ACSM3: variants seen among roughly 807,000 people sequenced by gnomAD.
The protein encoded by ACSM3 is acyl-CoA synthetase medium chain family member 3.
A neutral mutation model predicts 74.1 loss-of-function variants in ACSM3; 61 were observed. The observed-to-expected ratio is 0.82, with a 90% CI of 0.67 to 1.02. ACSM3 has a LOEUF of 1.02. Ranked by LOEUF, ACSM3 falls within the 50% of genes least tolerant of loss-of-function variation. The pLI is 0.00. For synonymous variants in ACSM3, 213 were observed against 241.5 expected, an observed-to-expected ratio of 0.88 and a Z score of 1.09; for missense variants, 660 against 697.0, an observed-to-expected ratio of 0.95 and a Z score of 0.60.
chr16:20,757,583 AG>A (rs1163566557), intron 3 of ACSM3, among the ~76,000 whole-genome samples: 1 of 149,720 alleles, frequency 6.7e-6, no homozygotes, highest in East Asian at 2.0e-4. Flanking sequence ...GTCTGCAAAC[AG>A]GGACAATTTG....
intron 7 of ACSM3, chr16:20,784,457 A>C (rs1215742154): frequency 6.6e-6 from 1 of 152,646 alleles, no homozygotes; most frequent in Non-Finnish European, 1.5e-5. Context: ...TCCCACCATC[A>C]GTTTTACCAA....
intron 1 of ACSM3, among the ~76,000 whole-genome samples, chr16:20,684,360 A>ATTGTGCCT (rs2079508758): frequency 6.6e-6 from 1 of 152,200 alleles, no homozygotes; most frequent in Admixed American, 6.5e-5. Flanking sequence ...ACAAGGAAAA[A>ATTGTGCCT]TTGTGCCTTT....
chr16:20,796,768 C>T (rs1280991771), intron 13 of ACSM3, 118 bp from the exon 14 acceptor site: 2 of 1,530,964 alleles, frequency 1.3e-6, no homozygotes, highest in African/African-American at 1.4e-5. Context: ...TACCCAAAAC[C>T]CATTCCAAAG....
At chr16:20,782,429 T>C (rs1321902316) in intron 7 of ACSM3, among the ~76,000 whole-genome samples, 1 of 152,116 alleles carries the variant, frequency 6.6e-6, no homozygotes, top group Non-Finnish European at 1.5e-5. Flanking sequence ...CAAAGTCCAT[T>C]ATATCATTCT....
At chr16:20,687,497 T>C (rs1348563595) in intron 1 of ACSM3, among the ~76,000 whole-genome samples, 2 of 152,102 alleles carry the variant, frequency 1.3e-5, no homozygotes, top group Non-Finnish European at 2.9e-5. Context: ...ATGCAGCTGC[T>C]CTTCAAGACT....
At chr16:20,747,124 C>T (rs183761238) in intron 1 of ACSM3, among the ~76,000 whole-genome samples, 56 of 152,050 alleles carry the variant, frequency 3.7e-4, no homozygotes, top group South Asian at 2.5e-3. Context: ...CAAGGCCCAG[C>T]GATAGACAGG....
At chr16:20,714,088 A>G (rs1433243933) in intron 1 of ACSM3, among the ~76,000 whole-genome samples, 2 of 152,182 alleles carry the variant, frequency 1.3e-5, no homozygotes, top group Non-Finnish European at 2.9e-5. Context: ...ATAAGCCAGA[A>G]TTATATTTCT....
At chr16:20,753,007 T>C (rs2080000086) in intron 2 of ACSM3, among the ~76,000 whole-genome samples, 1 of 152,150 alleles carries the variant, frequency 6.6e-6, no homozygotes, top group Non-Finnish European at 1.5e-5. Flanking sequence ...TGGGAAACTT[T>C]AGAGGACAAT....
At chr16:20,745,164 A>G (rs958060026) in intron 1 of ACSM3, among the ~76,000 whole-genome samples, 2 of 152,060 alleles carry the variant, frequency 1.3e-5, no homozygotes, top group African/African-American at 4.8e-5. Context: ...CTTATTCTTT[A>G]GACTACATCT....
At chr16:20,758,509 T>A (rs1253600848) in intron 3 of ACSM3, among the ~76,000 whole-genome samples, 1 of 152,104 alleles carries the variant, frequency 6.6e-6, no homozygotes, top group Non-Finnish European at 1.5e-5. Flanking sequence ...ATTGTGTCTA[T>A]TTGATTCTTC....
chr16:20,786,061 T>C lies in ACSM3; in HGVS notation c.1144-17T>C, dbSNP rs1262220532. On this transcript the variant is annotated splice_polypyrimidine_tract_variant and intron_variant, in intron 8 of 13. Transcript: ENST00000289416. ...GTGACTTGTAATGTTATCTTACTTT[T>C]TCTTCTTCTTAACTAGGTGCTAATC... 1 of 1,486,802 alleles carries C rather than the reference T, an allele frequency of 6.7e-7. No individual in the cohort carries two copies. The highest frequency in any genetic ancestry group is 9.1e-7 in the Non-Finnish European group (1 of 1,096,940). 92.1% of individuals were successfully genotyped at this position (1,486,802 alleles called of 1,614,324 possible).
At chr16:20,678,240 C>T (rs903478342) in intron 1 of ACSM3, among the ~76,000 whole-genome samples, 8 of 152,020 alleles carry the variant, frequency 5.3e-5, no homozygotes, top group East Asian at 1.9e-4. Flanking sequence ...ATCCCTGAAA[C>T]GGTGGCCCCC....
upstream of ACSM3, among the ~76,000 whole-genome samples, chr16:20,762,099 C>T (rs2080082036): frequency 6.6e-6 from 1 of 152,170 alleles, no homozygotes; most frequent in Admixed American, 6.5e-5. Context: ...TTGGTTCCTG[C>T]TCTAAAACTT....
chr16:20,758,967 T>C (rs2080054013), intron 3 of ACSM3, among the ~76,000 whole-genome samples: 3 of 152,184 alleles, frequency 2.0e-5, no homozygotes, highest in Admixed American at 2.0e-4. Context: ...TCCTGAGTTC[T>C]AGTTTGATTG....
chr16:20,685,832 C>CAAAAAAAA (rs1469791653), intron 1 of ACSM3, among the ~76,000 whole-genome samples: 3 of 72,132 alleles, frequency 4.2e-5, no homozygotes, highest in South Asian at 5.2e-4. Context: ...AAAAAAAAAA[C>CAAAAAAAA]AAACAAAAAA....
intron 1 of ACSM3, chr16:20,691,296 G>T: frequency 1.0e-6 from 1 of 979,052 alleles, no homozygotes; most frequent in Non-Finnish European, 1.5e-6. Flanking sequence ...TCCCTAAATT[G>T]GGTGCATGTT....
chr16:20,767,578 C>T (rs1471203656), intron 1 of ACSM3, among the ~76,000 whole-genome samples: 2 of 151,896 alleles, frequency 1.3e-5, no homozygotes, highest in African/African-American at 4.8e-5. Flanking sequence ...TACCCAATCC[C>T]CAATGCCAAA....
At chr16:20,737,788 T>C (rs1397206193) in intron 1 of ACSM3, 1 of 1,613,880 alleles carries the variant, frequency 6.2e-7, no homozygotes, top group East Asian at 2.2e-5. Context: ...TGTCCCTTTG[T>C]TTGGAGCTTT....
At chr16:20,781,306 G>A (rs553400156) in intron 6 of ACSM3, among the ~76,000 whole-genome samples, 176 bp downstream of exon 6, 1 of 152,264 alleles carries the variant, frequency 6.6e-6, no homozygotes, top group African/African-American at 2.4e-5. Context: ...GTATCCACAG[G>A]TTCTGCAGCC....
Sources: allele counts gnomAD v4.1 joint callset (sites outside exome capture counted in the v4.1 genomes callset), GRCh38; gene constraint gnomAD v4.1.1; transcripts MANE v1.5; gene names NCBI Gene and HGNC (gene_info 2026-07-23, HGNC 2026-07-21).